The following LUZP2 variants were observed in gnomAD, a reference collection of about 807,000 sequenced individuals.
LUZP2 encodes the protein leucine zipper protein 2.
LUZP2 carries 52 observed loss-of-function variants against 51.6 expected under a neutral mutation model. That is an observed-to-expected ratio of 1.01 (90% CI 0.81 to 1.27). The LOEUF is 1.27. Ranked by LOEUF, LUZP2 falls within the 50% of genes most tolerant of loss-of-function variation. LUZP2 has a pLI of 0.00. For synonymous variants in LUZP2, 154 were observed against 137.3 expected, an observed-to-expected ratio of 1.12 and a Z score of -0.85; for missense variants, 436 against 395.4, an observed-to-expected ratio of 1.10 and a Z score of -0.87.
chr11:24,918,129 C>G (rs557127833), intron 7 of LUZP2, among the ~76,000 whole-genome samples: 19 of 152,028 alleles, frequency 1.2e-4, no homozygotes, highest in African/African-American at 3.9e-4. Flanking sequence ...TGATTTGGCT[C>G]TCTGTTTGTC....
intron 1 of LUZP2, among the ~76,000 whole-genome samples, chr11:24,598,179 C>T (rs1194583908): frequency 2.0e-5 from 3 of 151,456 alleles, no homozygotes; most frequent in Admixed American, 6.6e-5. Context: ...TTGGATTGTG[C>T]CCTGTAGATG....
At chr11:24,976,487 T>A in intron 7 of LUZP2, 104 bp from the exon 8 acceptor site, 1 of 622,278 alleles carries the variant, frequency 1.6e-6, no homozygotes. Flanking sequence ...TTTTTTTTTT[T>A]TCTTTTCTCT....
At chr11:24,687,440 T>G (rs1856929976) in intron 1 of LUZP2, among the ~76,000 whole-genome samples, 1 of 152,148 alleles carries the variant, frequency 6.6e-6, no homozygotes, top group African/African-American at 2.4e-5. Flanking sequence ...TTAAATGAAT[T>G]TAATCCTTGT....
chr11:24,870,492 C>G lies in LUZP2; in HGVS notation c.397-35499C>G, dbSNP rs201160668. On this transcript the variant is annotated intron_variant, in intron 5 of 11. Coordinates refer to ENST00000336930, the MANE Select transcript of LUZP2 (RefSeq NM_001009909.4). ...TCCTACACACACACACACACACAGACACACACACACACACACACACTTCCT... is the reference window on the plus strand; with the variant it reads ...TCCTACACACACACACACACACAGAGACACACACACACACACACACTTCCT... Among the ~76,000 whole-genome samples, 694 of 77,498 alleles carry G rather than the reference C, an allele frequency of 9.0e-3. 1 individual carries two copies. The highest frequency in any genetic ancestry group is 0.014 in the Non-Finnish European group (440 of 32,472). 50.8% of individuals were successfully genotyped at this position (77,498 alleles called of 152,430 possible).
chr11:24,898,721 A>G (rs77201803), intron 5 of LUZP2, among the ~76,000 whole-genome samples: 1 of 152,120 alleles, frequency 6.6e-6, no homozygotes, highest in Non-Finnish European at 1.5e-5. Context: ...AAAAAATAAG[A>G]TTTTTAAAAG....
intron 5 of LUZP2, among the ~76,000 whole-genome samples, chr11:24,870,343 G>C (rs1407672614): frequency 1.3e-5 from 2 of 152,060 alleles, no homozygotes; most frequent in African/African-American, 4.8e-5. Context: ...ATTAATAGCA[G>C]CTTCAATGTA....
chr11:24,881,501 CTT>C lies in LUZP2; in HGVS notation c.397-24488_397-24487del, dbSNP rs1852468010. 2.6e-5 allele frequency among the ~76,000 whole-genome samples: 4 copies of C among 151,742 alleles called. No individual in the cohort carries two copies. The South Asian group carries it at 8.3e-4, about 31-fold the overall frequency. ...TTATGCTCAAAGTTAAGGCTCGTGA[CTT>C]TGTCTACCTGAGATGTAAATGAGCC... On this transcript the variant is annotated intron_variant, in intron 5 of 11. Transcript: ENST00000336930.
chr11:25,045,130 C>T (rs1189297396), intron 9 of LUZP2, among the ~76,000 whole-genome samples: 2 of 150,832 alleles, frequency 1.3e-5, no homozygotes, highest in African/African-American at 2.4e-5. Flanking sequence ...ATGGGTGCAG[C>T]ACACCAACAT....
chr11:24,758,807 G>A (rs1019122340), intron 4 of LUZP2, among the ~76,000 whole-genome samples: 1 of 151,768 alleles, frequency 6.6e-6, no homozygotes, highest in Non-Finnish European at 1.5e-5. Context: ...ATGCACATAT[G>A]GTGCAAATGC....
At chr11:24,810,431 C>A (rs970447489) in intron 5 of LUZP2, among the ~76,000 whole-genome samples, 1 of 152,084 alleles carries the variant, frequency 6.6e-6, no homozygotes, top group Non-Finnish European at 1.5e-5. Context: ...AGATAATAGC[C>A]ACTCTTTCTG....
chr11:24,514,723 CAATA>C (rs1850412195), intron 1 of LUZP2, among the ~76,000 whole-genome samples: 1 of 152,048 alleles, frequency 6.6e-6, no homozygotes, highest in Admixed American at 6.5e-5. Context: ...GACAACACAG[CAATA>C]AGATTACATG....
At chr11:24,878,167 A>T (rs1484409273) in intron 5 of LUZP2, among the ~76,000 whole-genome samples, 1 of 136,850 alleles carries the variant, frequency 7.3e-6, no homozygotes, top group Non-Finnish European at 1.6e-5. Context: ...TAATTATTGT[A>T]CATTAATGCC....
intron 7 of LUZP2, among the ~76,000 whole-genome samples, chr11:24,967,630 A>C (rs1855627131): frequency 6.6e-6 from 1 of 151,670 alleles, no homozygotes; most frequent in African/African-American, 2.4e-5. Flanking sequence ...ATCACGTCAT[A>C]TCTACTGGCC....
intron 5 of LUZP2, among the ~76,000 whole-genome samples, chr11:24,823,091 T>A (rs1850409586): frequency 6.6e-6 from 1 of 152,184 alleles, no homozygotes; most frequent in Non-Finnish European, 1.5e-5. Flanking sequence ...GGGGCTTATA[T>A]TATAACAAGA....
intron 9 of LUZP2, among the ~76,000 whole-genome samples, chr11:25,002,708 T>G (rs1393765390): frequency 6.6e-6 from 1 of 152,188 alleles, no homozygotes; most frequent in Non-Finnish European, 1.5e-5. Context: ...CCCACGAGTA[T>G]GAGTAAGGAC....
At chr11:24,591,540 T>A (rs1185108337) in intron 1 of LUZP2, among the ~76,000 whole-genome samples, 1 of 152,190 alleles carries the variant, frequency 6.6e-6, no homozygotes, top group African/African-American at 2.4e-5. Context: ...AAAACTGCAG[T>A]AAGAATAGCC....
intron 1 of LUZP2, among the ~76,000 whole-genome samples, chr11:24,720,446 T>C (rs2133949796): frequency 6.6e-6 from 1 of 152,338 alleles, no homozygotes; most frequent in South Asian, 2.1e-4. Context: ...TTTAATGTAA[T>C]CATTAATCAT....
At chr11:24,685,738 A>G (rs1856877880) in intron 1 of LUZP2, among the ~76,000 whole-genome samples, 1 of 152,218 alleles carries the variant, frequency 6.6e-6, no homozygotes, top group Non-Finnish European at 1.5e-5. Flanking sequence ...TAAACTAAGA[A>G]ATATTTCAGG....
At chr11:24,882,220 A>G (rs889152909) in intron 5 of LUZP2, among the ~76,000 whole-genome samples, 1 of 152,024 alleles carries the variant, frequency 6.6e-6, no homozygotes, top group African/African-American at 2.4e-5. Flanking sequence ...TATATTGTCT[A>G]TTGTTCTGTA....
Sources: gnomAD v4.1 joint callset for allele counts (sites outside exome capture counted in the v4.1 genomes callset) on GRCh38, gnomAD v4.1.1 for gene constraint, MANE v1.5 for transcripts, NCBI Gene and HGNC (gene_info 2026-07-23, HGNC 2026-07-21) for gene names.